Variants in WDR72 observed in about 807,000 individuals in gnomAD.
WDR72 encodes WD repeat domain 72.
WDR72 carries 120 observed loss-of-function variants against 124.2 expected under a neutral mutation model. The observed-to-expected ratio is 0.97, with a 90% CI of 0.83 to 1.12. The LOEUF (loss-of-function observed/expected upper bound fraction) is 1.12, where lower values mean the gene tolerates loss of function less well. Among genes scored for constraint, WDR72 ranks in the 50% most tolerant of loss-of-function variants. The pLI, the probability that WDR72 is intolerant of heterozygous loss-of-function variation, is 0.00. For missense variants in WDR72, 1,387 were observed against 1,278.8 expected (o/e 1.08, Z -1.29); for synonymous variants, 452 against 441.7 (o/e 1.02, Z -0.29).
intron 18 of WDR72, among the ~76,000 whole-genome samples, chr15:53,559,596 CAAG>C (rs1200535297): frequency 2.0e-5 from 3 of 151,924 alleles, no homozygotes; most frequent in Admixed American, 2.0e-4. Context: ...TGTGCCCAAA[CAAG>C]AAGGTTTTGT....
At chr15:53,631,948 A>C (rs1045129673) in intron 14 of WDR72, among the ~76,000 whole-genome samples, 2 of 152,222 alleles carry the variant, frequency 1.3e-5, no homozygotes, top group African/African-American at 4.8e-5. Context: ...AGAGCATATA[A>C]GTGTGGAAAA....
intron 3 of WDR72, among the ~76,000 whole-genome samples, chr15:53,721,853 A>T (rs689680): frequency 0.05 from 7,562 of 152,050 alleles, 631 homozygotes; most frequent in African/African-American, 0.17. Flanking sequence ...AGCCTAGTTC[A>T]TAGTATTTCT....
At chr15:53,718,808 A>AT (rs2017788290) in intron 3 of WDR72, among the ~76,000 whole-genome samples, 3 of 136,090 alleles carry the variant, frequency 2.2e-5, no homozygotes, top group African/African-American at 1.0e-4. Context: ...AATTTTAAAA[A>AT]CCTTAAGATT....
upstream of WDR72, among the ~76,000 whole-genome samples, chr15:53,759,898 A>G (rs1329324325): frequency 6.9e-6 from 1 of 144,994 alleles, no homozygotes; most frequent in East Asian, 2.3e-4. Flanking sequence ...GCCCGCCAGC[A>G]GCCTGCGGTT....
intron 2 of WDR72, among the ~76,000 whole-genome samples, chr15:53,726,394 C>T (rs1020114782): frequency 5.3e-5 from 8 of 150,602 alleles, no homozygotes; most frequent in Admixed American, 5.3e-4. Context: ...ACTCCCTGTA[C>T]CTTCCAGTCA....
At chr15:53,720,822 G>T (rs1166386311) in intron 3 of WDR72, among the ~76,000 whole-genome samples, 2 of 152,062 alleles carry the variant, frequency 1.3e-5, no homozygotes, top group Non-Finnish European at 2.9e-5. Context: ...AATTTTCTGT[G>T]ATTGCTGAAT....
In WDR72 at chr15:53,705,101, T is replaced by C. The variant is rs1230964728; in HGVS notation, c.1235A>G (p.Tyr412Cys). The change falls in exon 11 of 20, where the codon TAT becomes TGT. Residue 412 changes from tyrosine (Y) to cysteine (C), a missense_variant. Transcript: ENST00000360509. Reference protein sequence around the residue: ...AGTAVVTSSEYIPSLDKLICG... With the variant: ...AGTAVVTSSECIPSLDKLICG... ...TATTAGTTTATCAAGACTTGGAATA[T>C]ACTCTGATGAAGTGACTACAGCAGT... 1.2e-6 allele frequency: 2 copies of C among 1,614,162 alleles called. No homozygotes were observed. Among genetic ancestry groups the C allele is most frequent in the Admixed American group, 1.7e-5 (1 of 60,032 alleles).
chr15:53,517,561 T>C lies in WDR72; in HGVS notation c.*138A>G. 2 of 840,284 alleles carry C rather than the reference T, an allele frequency of 2.4e-6. No individual in the cohort carries two copies. The highest frequency in any genetic ancestry group is 2.4e-4 in the Middle Eastern group (1 of 4,120). 52.1% of individuals were successfully genotyped at this position (840,284 alleles called of 1,614,324 possible). On this transcript the variant is annotated 3_prime_UTR_variant, in exon 20 of 20. Coordinates refer to ENST00000360509, the MANE Select transcript of WDR72 (RefSeq NM_182758.4). Reference sequence around the variant, plus strand: ...TGTATTAAAATCACTTTAATACATGTTGGCTAAAGTATTAGCAAATCCACT... The same window carrying C: ...TGTATTAAAATCACTTTAATACATGCTGGCTAAAGTATTAGCAAATCCACT...
intron 14 of WDR72, among the ~76,000 whole-genome samples, chr15:53,634,053 A>C (rs1336819646): frequency 6.6e-6 from 1 of 152,244 alleles, no homozygotes; most frequent in Non-Finnish European, 1.5e-5. Context: ...AGTAATAAAA[A>C]GTTAAGTTTT....
chr15:53,607,878 T>C (rs1489232541), intron 17 of WDR72, among the ~76,000 whole-genome samples: 1 of 151,964 alleles, frequency 6.6e-6, no homozygotes, highest in Admixed American at 6.6e-5. Flanking sequence ...AAAGAAGACA[T>C]ACAAAGAATA....
chr15:53,611,756 T>C (rs759019431), intron 16 of WDR72, among the ~76,000 whole-genome samples: 3 of 151,736 alleles, frequency 2.0e-5, no homozygotes, highest in Non-Finnish European at 4.4e-5. Context: ...TTTTTAACGG[T>C]AAAACAGAGA....
Position 53,631,363 on chromosome 15 carries a change from G to A in WDR72, c.1963-15120C>T, listed in dbSNP as rs141906392. On this transcript the variant is annotated intron_variant, in intron 14 of 19. Coordinates refer to ENST00000360509, the MANE Select transcript of WDR72 (RefSeq NM_182758.4). ...AGCCACTATGCTTCCTGTAGAGCCT[G>A]CAGAACTGTAAACCAATTAAACCTC... Among the ~76,000 whole-genome samples, 422 of 152,334 alleles carry A rather than the reference G, an allele frequency of 2.8e-3. 6 individuals are homozygous for A. Among genetic ancestry groups the A allele is most frequent in the East Asian group, 0.014 (73 of 5,186 alleles).
intron 14 of WDR72, among the ~76,000 whole-genome samples, chr15:53,633,563 C>T (rs908959317): frequency 6.6e-6 from 1 of 152,016 alleles, no homozygotes; most frequent in Non-Finnish European, 1.5e-5. Flanking sequence ...CTCTCAATAG[C>T]ACCACAAAAA....
At chr15:53,679,554 A>G (rs554768888) in intron 13 of WDR72, among the ~76,000 whole-genome samples, 10 of 152,270 alleles carry the variant, frequency 6.6e-5, no homozygotes, top group Middle Eastern at 3.4e-3. Flanking sequence ...GAGAGGGAGG[A>G]AAGAAGGACA....
intron 16 of WDR72, among the ~76,000 whole-genome samples, chr15:53,611,888 C>T (rs2013555102): frequency 1.3e-5 from 2 of 152,126 alleles, no homozygotes; most frequent in African/African-American, 4.8e-5. Flanking sequence ...TAAACTCTCA[C>T]TTGAAAATAC....
intron 16 of WDR72, among the ~76,000 whole-genome samples, chr15:53,613,445 T>G (rs915727617): frequency 6.6e-6 from 1 of 152,128 alleles, no homozygotes; most frequent in Admixed American, 6.6e-5. Context: ...AAATGTTTTA[T>G]AAATGTCACC....
intron 3 of WDR72, among the ~76,000 whole-genome samples, chr15:53,717,533 G>A (rs2017747885): frequency 6.6e-6 from 1 of 152,038 alleles, no homozygotes; most frequent in African/African-American, 2.4e-5. Flanking sequence ...AACCAACCAT[G>A]GGAACTCAAT....
intron 1 of WDR72, among the ~76,000 whole-genome samples, chr15:53,741,077 A>G (rs2018495651): frequency 1.3e-5 from 2 of 152,224 alleles, no homozygotes; most frequent in Non-Finnish European, 2.9e-5. Context: ...AGTAGATTAT[A>G]AATTTTCTGA....
At chr15:53,707,483 GT>G (rs2017414909) in intron 9 of WDR72, among the ~76,000 whole-genome samples, 3 of 151,104 alleles carry the variant, frequency 2.0e-5, no homozygotes, top group Admixed American at 6.6e-5. Context: ...GTCTCGCTCT[GT>G]TGCCCAGGCT....
Sources: gnomAD v4.1 joint callset for allele counts (sites outside exome capture counted in the v4.1 genomes callset) on GRCh38, gnomAD v4.1.1 for gene constraint, MANE v1.5 for transcripts, NCBI Gene and HGNC (gene_info 2026-07-23, HGNC 2026-07-21) for gene names.